The following C9orf50 variants were observed in gnomAD, a reference collection of about 807,000 sequenced individuals.
The protein encoded by C9orf50 is uncharacterized protein C9orf50.
A neutral mutation model predicts 42.5 loss-of-function variants in C9orf50; 33 were observed. The observed-to-expected ratio is 0.78, with a 90% CI of 0.59 to 1.04. The LOEUF (loss-of-function observed/expected upper bound fraction) is 1.04, where lower values mean the gene tolerates loss of function less well. Ranked by LOEUF, C9orf50 falls within the 50% of genes least tolerant of loss-of-function variation. The pLI is 0.00. For missense variants in C9orf50, 547 were observed against 594.3 expected, an observed-to-expected ratio of 0.92 and a Z score of 0.83; for synonymous variants, 257 against 273.4, an observed-to-expected ratio of 0.94 and a Z score of 0.59.
exon 7 of C9orf50, chr9:129,612,278 T>A: frequency 7.4e-7 from 1 of 1,350,392 alleles, no homozygotes; most frequent in Non-Finnish European, 1.0e-6. Context: ...TGCCTTTATT[T>A]GTGGGGCAAG....
Position 129,613,439 on chromosome 9 carries a change from C to T in C9orf50, c.1039G>A (p.Gly347Ser). ...TCCGCTTCCCTGGAGCCTCACAGGCCAGCGCAGTCCCAACACGAGGAGCTG... is the reference window on the plus strand; with the variant it reads ...TCCGCTTCCCTGGAGCCTCACAGGCTAGCGCAGTCCCAACACGAGGAGCTG... The change falls in exon 5 of 7, where the codon GGC becomes AGC. Residue 347 changes from glycine to serine, a missense_variant. By Grantham distance (56) the Gly-to-Ser change is moderately conservative. Around this residue, in one of 3 missense-constraint regions of C9orf50, gnomAD observed 334 missense variants for 323.7 expected, o/e 1.03. Transcript: ENST00000372478. This position sits in a 1 kb window ranked among gnomAD's most constrained non-coding sequence, Gnocchi z 6.2. The T allele has an allele frequency of 1.9e-6, 3 of 1,613,898 alleles. No individual in the cohort carries two copies. Among genetic ancestry groups the T allele is most frequent in the Non-Finnish European group, 2.5e-6 (3 of 1,180,006 alleles).
chr9:129,617,809 G>A (rs367672375), intron 3 of C9orf50, among the ~76,000 whole-genome samples: 2 of 152,100 alleles, frequency 1.3e-5, no homozygotes, highest in African/African-American at 4.8e-5. Flanking sequence ...TCAGCCTCCC[G>A]AGTAGCTGGA....
chr9:129,613,295 C>G lies in C9orf50; in HGVS notation c.1044-44G>C. 1 of 1,571,124 alleles carries G rather than the reference C, an allele frequency of 6.4e-7. No homozygotes were observed. Among genetic ancestry groups the G allele is most frequent in the Non-Finnish European group, 8.6e-7 (1 of 1,157,154 alleles). On this transcript the variant is annotated intron_variant, in intron 5 of 6. Transcript: ENST00000372478. The surrounding 1 kb of genome is among the most constrained non-coding windows in gnomAD (Gnocchi z 6.2). ...CATGAGCTTCCTGGACTCTGAGTCC[C>G]CGGCCCACCCATGGCTGGCAGGGCC...
Position 129,613,649 on chromosome 9 carries a change from G to T in C9orf50, c.881-52C>A. On this transcript the variant is annotated intron_variant, in intron 4 of 6. Transcript: ENST00000372478. This position sits in a 1 kb window ranked among gnomAD's most constrained non-coding sequence, Gnocchi z 6.2. Reference sequence around the variant, plus strand: ...CTCTGCCCAGGAGGAGGGCACTGGTGCCCCCACCCTCTTTTCCTCCCTCTG... The same window carrying T: ...CTCTGCCCAGGAGGAGGGCACTGGTTCCCCCACCCTCTTTTCCTCCCTCTG... 1 of 1,605,646 alleles carries T rather than the reference G, an allele frequency of 6.2e-7. No individual in the cohort carries two copies. Among genetic ancestry groups the T allele is most frequent in the Non-Finnish European group, 8.5e-7 (1 of 1,174,714 alleles).
chr9:129,617,042 A>G (rs1462603691), intron 3 of C9orf50, among the ~76,000 whole-genome samples: 1 of 152,012 alleles, frequency 6.6e-6, no homozygotes, highest in Non-Finnish European at 1.5e-5. Flanking sequence ...ACTCCAGCCT[A>G]GGGACGGAGT....
chr9:129,619,886 C>A, intron 1 of C9orf50, 56 bp from the exon 2 acceptor site: 2 of 1,581,062 alleles, frequency 1.3e-6, no homozygotes, highest in South Asian at 2.2e-5. Context: ...CCTTTCTAGT[C>A]ATGTGGCCTC....
chr9:129,616,639 C>T (rs937864391), intron 3 of C9orf50, among the ~76,000 whole-genome samples: 2 of 152,098 alleles, frequency 1.3e-5, no homozygotes, highest in African/African-American at 4.8e-5. Context: ...ATTATAGGCA[C>T]AATAATACCA....
chr9:129,615,643 G>A (rs1830337274), exon 4 of C9orf50: 1 of 1,558,296 alleles, frequency 6.4e-7, no homozygotes, highest in Non-Finnish European at 8.6e-7. Context: ...GCACCGTGGG[G>A]CCTGCTGAGA....
chr9:129,620,389 C>A lies in C9orf50; in HGVS notation c.186G>T (p.Trp62Cys), dbSNP rs1830630748. ...CCCCGGGCTTGGCGTCCCCTTCCGG[C>A]CACCACGCGGCGCCGCCCCCCGGGA... Residue 62 changes from tryptophan (W) to cysteine (C), a missense_variant, in exon 1 of 7, where the codon TGG becomes TGT. Physicochemically the swap from Trp to Cys is radical, Grantham distance 215 (BLOSUM62 -2). Coordinates refer to ENST00000372478, the Ensembl canonical transcript of C9orf50. The surrounding 1 kb of genome is among the most constrained non-coding windows in gnomAD (Gnocchi z 5.8). 1 of 1,229,208 alleles carries A rather than the reference C, an allele frequency of 8.1e-7. No individual in the cohort carries two copies. Among genetic ancestry groups the A allele is most frequent in the Non-Finnish European group, 1.0e-6 (1 of 987,012 alleles). 76.1% of individuals were successfully genotyped at this position (1,229,208 alleles called of 1,614,324 possible). A position where few individuals can be genotyped will look rare whatever the true frequency, so the allele number is the denominator to read the frequency against.
At chr9:129,612,236 C>T (rs1830129181) in exon 7 of C9orf50, 1 of 838,670 alleles carries the variant, frequency 1.2e-6, no homozygotes, top group African/African-American at 1.7e-5. Context: ...TGTGGTGTGA[C>T]ACCTACTGGC....
Position 129,613,365 on chromosome 9 carries a change from G to A in C9orf50, c.1043+70C>T, listed in dbSNP as rs1035419607. 1.9e-6 allele frequency: 3 copies of A among 1,588,046 alleles called. No individual in the cohort carries two copies. The African/African-American group carries it at 4.0e-5, about 21-fold the overall frequency. On this transcript the variant is annotated intron_variant, in intron 5 of 6. Coordinates refer to ENST00000372478, the Ensembl canonical transcript of C9orf50. This position sits in a 1 kb window ranked among gnomAD's most constrained non-coding sequence, Gnocchi z 6.2. ...AACCCGCCTGCTGCTGGGTGGGGAG[G>A]TCTGTAGGCAAGGGGGGTGGAGGGC...
At chr9:129,616,544 C>T (rs543688641) in intron 3 of C9orf50, among the ~76,000 whole-genome samples, 83 of 152,218 alleles carry the variant, frequency 5.5e-4, no homozygotes, top group African/African-American at 2.0e-3. Context: ...TTGTAACTGT[C>T]TATCTCAATC....
exon 7 of C9orf50, chr9:129,612,396 C>T (rs1167262268): frequency 3.1e-6 from 5 of 1,613,884 alleles, no homozygotes; most frequent in Non-Finnish European, 4.2e-6. Context: ...GAGATGGTAC[C>T]CCTTAGGGCA....
chr9:129,613,095 C>T lies in C9orf50; in HGVS notation c.1188+12G>A. 1 of 1,613,720 alleles carries T rather than the reference C, an allele frequency of 6.2e-7. No homozygotes were observed. The highest frequency in any genetic ancestry group is 1.1e-5 in the South Asian group (1 of 91,034). Reference sequence around the variant, plus strand: ...CCAGCTTCTAGGTCCAGGAGCAAGACCATTTGCCCACCTGCTCCAGGTTTC... The same window carrying T: ...CCAGCTTCTAGGTCCAGGAGCAAGATCATTTGCCCACCTGCTCCAGGTTTC... On this transcript the variant is annotated intron_variant, in intron 6 of 6. Coordinates refer to ENST00000372478, the Ensembl canonical transcript of C9orf50. The surrounding 1 kb of genome is among the most constrained non-coding windows in gnomAD (Gnocchi z 6.2).
At chr9:129,615,456 C>T in intron 4 of C9orf50, 28 bp downstream of exon 4, 1 of 1,538,244 alleles carries the variant, frequency 6.5e-7, no homozygotes, top group Non-Finnish European at 8.8e-7. Context: ...TTTCGGGAGT[C>T]TCGAGGCTCC....
At position 129,613,834 on chromosome 9, in the gene C9orf50, C is replaced by T. The variant is rs77762022; in HGVS notation, c.881-237G>A. On this transcript the variant is annotated intron_variant, in intron 4 of 6. Transcript: ENST00000372478. The surrounding 1 kb of genome is among the most constrained non-coding windows in gnomAD (Gnocchi z 6.2). The stretch of plus-strand genomic sequence containing the variant: ...TGCGCACCCCCACTCACGCTGCAGC[C>T]GGAAGCGTGCCCCCTTTCTCGCAGT... Among the ~76,000 whole-genome samples, 1,276 of 152,334 alleles carry T rather than the reference C, an allele frequency of 8.4e-3. 14 individuals are homozygous for T. Among genetic ancestry groups the T allele is most frequent in the African/African-American group, 0.029 (1,200 of 41,568 alleles).
chr9:129,619,091 C>T (rs1348626073), intron 3 of C9orf50, among the ~76,000 whole-genome samples: 1 of 151,860 alleles, frequency 6.6e-6, no homozygotes, highest in Admixed American at 6.6e-5. Flanking sequence ...ACACCTGATT[C>T]ATGGGTGGGT....
rs368047969 is a variant in C9orf50 at position 129,613,478 on chromosome 9, C to T, written c.1000G>A (p.Glu334Lys). 6.3e-5 allele frequency: 102 copies of T among 1,614,032 alleles called. No individual in the cohort carries two copies. Among genetic ancestry groups the T allele is most frequent in the Non-Finnish European group, 8.4e-5 (99 of 1,180,036 alleles). ...CACGAGGAGCTGGCCAGGGTCTCCT[C>T]CTTGGCCCCAGGGTACAGGGCTTTG... The change falls in exon 5 of 7, where the codon GAG becomes AAG. Residue 334 changes from glutamate (E) to lysine (K), a missense_variant. This residue lies in a region of C9orf50 where 334 missense variants were observed against 323.7 expected (regional missense o/e 1.03). Coordinates refer to ENST00000372478, the Ensembl canonical transcript of C9orf50. This position sits in a 1 kb window ranked among gnomAD's most constrained non-coding sequence, Gnocchi z 6.2.
rs1830611487 is a variant in C9orf50, at chr9:129,620,161, G to T, written c.414C>A (p.Phe138Leu). Residue 138 changes from phenylalanine (F) to leucine (L), a missense_variant, in exon 1 of 7, where the codon TTC (phenylalanine) becomes TTA (leucine). By Grantham distance (22) the Phe-to-Leu change is conservative. Transcript: ENST00000372478. The surrounding 1 kb of genome is among the most constrained non-coding windows in gnomAD (Gnocchi z 5.8). ...GGAGCTCTCCTAGGAAGGCGCCCAA[G>T]AAGTCGGGGTCCTCCCTGGCCACGC... 6.8e-7 allele frequency: 1 copy of T among 1,462,792 alleles called. No homozygotes were observed. Among genetic ancestry groups the T allele is most frequent in the South Asian group, 1.4e-5 (1 of 71,312 alleles). The allele number at this position is 1,462,792 out of a possible 1,614,324, so 90.6% of individuals were successfully genotyped here. A position where few individuals can be genotyped will look rare whatever the true frequency, so the allele number is the denominator to read the frequency against.
Sources: allele counts gnomAD v4.1 joint callset (sites outside exome capture counted in the v4.1 genomes callset), GRCh38; gene constraint gnomAD v4.1.1; regional missense constraint gnomAD v4.1.1; non-coding constraint Gnocchi (gnomAD v3.1); transcripts MANE v1.5; gene names NCBI Gene and HGNC (gene_info 2026-07-23, HGNC 2026-07-21).